The following GADL1 variants were observed in gnomAD, a reference collection of about 807,000 sequenced individuals.
GADL1 encodes the protein GAD like acidic amino acid decarboxylase 1, also known as acidic amino acid decarboxylase GADL1.
In GADL1, 71 loss-of-function variants were observed where a neutral mutation model predicts 69.5. The observed-to-expected ratio is 1.02, with a 90% CI of 0.84 to 1.25. The LOEUF is 1.25. GADL1 is among the 50% of genes most tolerant of loss of function. GADL1 has a pLI of 0.00. For missense variants in GADL1, 737 were observed against 631.8 expected, an observed-to-expected ratio of 1.17 and a Z score of -1.79; for synonymous variants, 254 against 214.4, an observed-to-expected ratio of 1.18 and a Z score of -1.62.
At chr3:30,770,306 C>T (rs549407257) in intron 14 of GADL1, among the ~76,000 whole-genome samples, 3 of 152,152 alleles carry the variant, frequency 2.0e-5, no homozygotes, top group South Asian at 4.2e-4. Context: ...TGCCTTTCCT[C>T]GATGTTCACT....
chr3:30,849,358 A>G (rs1698108894), intron 6 of GADL1, among the ~76,000 whole-genome samples: 1 of 152,208 alleles, frequency 6.6e-6, no homozygotes, highest in African/African-American at 2.4e-5. Flanking sequence ...ACTTATTTTT[A>G]CAAATTTAGG....
In GADL1 at chr3:30,819,544, G is replaced by A. The variant is rs180851603; in HGVS notation, c.1050+14309C>T. Among the ~76,000 whole-genome samples the A allele has an allele frequency of 2.8e-4, 42 of 152,190 alleles. 1 individual carries two copies. In the East Asian group the frequency reaches 7.6e-3, roughly 27 times the overall value. ...ATGGTTATTACAGATTAATTGGAAAGTAATTTAGATGAGCACACTCCAAAA... is the reference window on the plus strand; with the variant it reads ...ATGGTTATTACAGATTAATTGGAAAATAATTTAGATGAGCACACTCCAAAA... On this transcript the variant is annotated intron_variant, in intron 11 of 14. Transcript: ENST00000282538.
At chr3:30,780,631 C>T (rs898523167) in intron 13 of GADL1, among the ~76,000 whole-genome samples, 5 of 152,096 alleles carry the variant, frequency 3.3e-5, no homozygotes, top group African/African-American at 4.8e-5. Flanking sequence ...AAACAGTTTA[C>T]GATGTTTTAT....
At chr3:30,799,016 G>C (rs1456156111) in intron 12 of GADL1, 1 of 152,200 alleles carries the variant, frequency 6.6e-6, no homozygotes, top group East Asian at 1.9e-4. Flanking sequence ...GGCTTTGCAG[G>C]GTATAGCCCC....
rs191213899 is a variant in GADL1 at position 30,814,770 on chromosome 3, C to G, written c.1051-13682G>C. 4.6e-5 allele frequency among the ~76,000 whole-genome samples: 7 copies of G among 152,150 alleles called. No individual in the cohort carries two copies. The East Asian group carries it at 1.4e-3, about 29-fold the overall frequency. On this transcript the variant is annotated intron_variant, in intron 11 of 14. Transcript: ENST00000282538. ...AAAAAGAATAAGAGTTCAAGATCAG[C>G]CTGGCCAAGATAGTGAAATCCTGCC... is the stretch of plus-strand genomic sequence containing the variant.
At chr3:30,884,022 C>T (rs563364519) in intron 1 of GADL1, among the ~76,000 whole-genome samples, 1 of 152,066 alleles carries the variant, frequency 6.6e-6, no homozygotes, top group Admixed American at 6.6e-5. Context: ...ATCCTATTTG[C>T]TCATCCAACT....
chr3:30,824,993 G>C (rs895886253), intron 11 of GADL1, among the ~76,000 whole-genome samples: 1 of 151,836 alleles, frequency 6.6e-6, no homozygotes, highest in Non-Finnish European at 1.5e-5. Context: ...TAGCCTACCA[G>C]AGAATGAACT....
intron 12 of GADL1, among the ~76,000 whole-genome samples, chr3:30,795,887 A>G (rs1697023123): frequency 6.6e-6 from 1 of 152,176 alleles, no homozygotes; most frequent in African/African-American, 2.4e-5. Context: ...TAACAGCAGG[A>G]AAGAGGAGGG....
intron 14 of GADL1, among the ~76,000 whole-genome samples, chr3:30,756,754 C>T (rs1695983417): frequency 6.6e-6 from 1 of 152,166 alleles, no homozygotes; most frequent in Non-Finnish European, 1.5e-5. Context: ...CCTTCAGCAG[C>T]AAACACAGCC....
chr3:30,778,350 G>T, intron 13 of GADL1, 82 bp from the exon 14 acceptor site: 1 of 863,600 alleles, frequency 1.2e-6, no homozygotes, highest in Non-Finnish European at 1.9e-6. Flanking sequence ...CTCTTAGCTA[G>T]TTTCTTCAAG....
At chr3:30,832,463 T>C (rs180761002) in intron 11 of GADL1, among the ~76,000 whole-genome samples, 1 of 152,106 alleles carries the variant, frequency 6.6e-6, no homozygotes, top group East Asian at 1.9e-4. Flanking sequence ...GAAAAGTATA[T>C]GAAAGCTAGA....
intron 13 of GADL1, among the ~76,000 whole-genome samples, chr3:30,781,579 A>G (rs1696666328): frequency 6.6e-6 from 1 of 152,256 alleles, no homozygotes; most frequent in Non-Finnish European, 1.5e-5. Context: ...AGATTAGACT[A>G]TTGAAAAATT....
At chr3:30,755,707 GTC>G (rs1329385931) in intron 14 of GADL1, among the ~76,000 whole-genome samples, 3 of 150,618 alleles carry the variant, frequency 2.0e-5, no homozygotes, top group Non-Finnish European at 4.4e-5. Context: ...TTAGAATAGT[GTC>G]TGACACATTG....
intron 11 of GADL1, among the ~76,000 whole-genome samples, chr3:30,817,366 C>G (rs1201840351): frequency 6.6e-6 from 1 of 152,100 alleles, no homozygotes; most frequent in Non-Finnish European, 1.5e-5. Flanking sequence ...TGAAATTAAC[C>G]TTGCCACCAA....
intron 14 of GADL1, among the ~76,000 whole-genome samples, chr3:30,768,355 G>A (rs1237398750): frequency 6.6e-6 from 1 of 152,112 alleles, no homozygotes; most frequent in Non-Finnish European, 1.5e-5. Flanking sequence ...TTGTTATAGA[G>A]GGCAAGCCAT....
intron 14 of GADL1, among the ~76,000 whole-genome samples, chr3:30,774,505 A>G (rs1034121085): frequency 9.8e-5 from 15 of 152,316 alleles, no homozygotes; most frequent in African/African-American, 3.4e-4. Flanking sequence ...TGCTGTTTTC[A>G]TCACTAACAT....
At chr3:30,780,162 C>T (rs1696630366) in intron 13 of GADL1, among the ~76,000 whole-genome samples, 1 of 152,192 alleles carries the variant, frequency 6.6e-6, no homozygotes, top group African/African-American at 2.4e-5. Context: ...AGCTAGGCAC[C>T]TTGCCTTGGA....
At chr3:30,760,878 T>G (rs1157425465) in intron 14 of GADL1, among the ~76,000 whole-genome samples, 2 of 152,092 alleles carry the variant, frequency 1.3e-5, no homozygotes, top group Non-Finnish European at 2.9e-5. Context: ...AGTCATTTGG[T>G]AGAAAGGAAA....
chr3:30,769,521 C>T (rs1696367696), intron 14 of GADL1, among the ~76,000 whole-genome samples: 1 of 150,814 alleles, frequency 6.6e-6, no homozygotes, highest in Non-Finnish European at 1.5e-5. Context: ...CTGTGCCTGC[C>T]TCTTTGTCTC....
Sources: allele counts gnomAD v4.1 joint callset (sites outside exome capture counted in the v4.1 genomes callset), GRCh38; gene constraint gnomAD v4.1.1; transcripts MANE v1.5; gene names NCBI Gene and HGNC (gene_info 2026-07-23, HGNC 2026-07-21).